KLHL1: variants seen among roughly 807,000 people sequenced by gnomAD.
The protein encoded by KLHL1 is kelch-like protein 1.
Under a neutral mutation model 77.7 loss-of-function variants are expected in KLHL1, and 47 were observed. That is an observed-to-expected ratio of 0.60 (90% CI 0.48 to 0.77). The LOEUF is 0.77. Among genes scored for constraint, KLHL1 ranks in the 30% least tolerant of loss-of-function variants. The pLI is 0.00. For synonymous variants in KLHL1, 360 were observed against 325.2 expected, an observed-to-expected ratio of 1.11 and a Z score of -1.15; for missense variants, 925 against 910.8, an observed-to-expected ratio of 1.02 and a Z score of -0.20.
chr13:69,705,704 TTACTG>T (rs1209010598), intron 10 of KLHL1, among the ~76,000 whole-genome samples: 2 of 151,754 alleles, frequency 1.3e-5, no homozygotes, highest in Non-Finnish European at 3.0e-5. Context: ...AATTTAATGT[TTACTG>T]TATTAAAATA....
chr13:69,922,992 A>C (rs1882692407), intron 4 of KLHL1, among the ~76,000 whole-genome samples: 1 of 152,232 alleles, frequency 6.6e-6, no homozygotes, highest in South Asian at 2.1e-4. Flanking sequence ...AATGAATTTC[A>C]ATATTACATA....
chr13:69,750,938 C>T (rs190757355), intron 7 of KLHL1, among the ~76,000 whole-genome samples: 1 of 151,992 alleles, frequency 6.6e-6, no homozygotes, highest in African/African-American at 2.4e-5. Flanking sequence ...GGGATGAGGT[C>T]CAGACACAGA....
intron 1 of KLHL1, among the ~76,000 whole-genome samples, chr13:70,050,795 ATT>A (rs1488030701): frequency 6.6e-6 from 1 of 151,926 alleles, no homozygotes; most frequent in Non-Finnish European, 1.5e-5. Flanking sequence ...TTGCAATATT[ATT>A]TGTCATATAA....
chr13:69,763,210 A>G (rs185012440), intron 7 of KLHL1, among the ~76,000 whole-genome samples: 1 of 152,330 alleles, frequency 6.6e-6, no homozygotes, highest in Non-Finnish European at 1.5e-5. Flanking sequence ...ATTGACCTAG[A>G]TTACTTACTG....
intron 1 of KLHL1, among the ~76,000 whole-genome samples, chr13:70,026,420 CAG>C (rs1414528092): frequency 6.6e-5 from 10 of 151,914 alleles, no homozygotes; most frequent in African/African-American, 2.4e-4. Context: ...CTCAGAAATA[CAG>C]TGTGATTTTA....
In KLHL1 at chr13:69,885,485, C is replaced by T. The variant is rs116828831; in HGVS notation, c.1015-2990G>A. Among the ~76,000 whole-genome samples the T allele has an allele frequency of 7.5e-3, 1,130 of 151,458 alleles. 11 individuals are homozygous for T. The highest frequency in any genetic ancestry group is 0.026 in the African/African-American group (1,052 of 41,228). ...AAGTTCTCCTTGCTGTTTTATTTTT[C>T]CATCAAGCCTCATTTTAATGATACT... is the stretch of plus-strand genomic sequence containing the variant. On this transcript the variant is annotated intron_variant, in intron 4 of 10. Coordinates refer to ENST00000377844, the MANE Select transcript of KLHL1 (RefSeq NM_020866.3).
intron 1 of KLHL1, among the ~76,000 whole-genome samples, chr13:70,027,882 C>T (rs1885996175): frequency 6.6e-6 from 1 of 151,976 alleles, no homozygotes; most frequent in Non-Finnish European, 1.5e-5. Flanking sequence ...TTTTTAGAGG[C>T]TGGAGTTATT....
chr13:69,899,576 A>G (rs1593930848), intron 4 of KLHL1, among the ~76,000 whole-genome samples: 2 of 152,326 alleles, frequency 1.3e-5, no homozygotes, highest in East Asian at 1.9e-4. Flanking sequence ...AAAGAAATCC[A>G]TCTTGTAGGC....
chr13:69,829,352 A>G (rs1451479598), intron 6 of KLHL1, among the ~76,000 whole-genome samples: 1 of 150,084 alleles, frequency 6.7e-6, no homozygotes, highest in Non-Finnish European at 1.5e-5. Context: ...CAATCACTGC[A>G]GTCCAGCTCT....
Position 69,740,499 on chromosome 13 carries a change from T to C in KLHL1, c.1697A>G (p.Tyr566Cys). ...ATCCCACCTTTCCACTGTATTCAGA[T>C]AGCTCCAGCCATCATGGCCTCCCAC... ...YAVGGHDGWS[Y>C]LNTVERWDPQ... Residue 566 changes from tyrosine (Y) to cysteine (C), a missense_variant, in exon 8 of 11, where the codon TAT (tyrosine) becomes TGT (cysteine). By Grantham distance (194) the Tyr-to-Cys change is radical (BLOSUM62 -2). Transcript: ENST00000377844. 1 of 1,613,060 alleles carries C rather than the reference T, an allele frequency of 6.2e-7. No individual in the cohort carries two copies. Among genetic ancestry groups the C allele is most frequent in the Non-Finnish European group, 8.5e-7 (1 of 1,179,218 alleles).
chr13:69,753,337 G>A (rs538551918), intron 7 of KLHL1, among the ~76,000 whole-genome samples: 26 of 152,154 alleles, frequency 1.7e-4, no homozygotes, highest in Non-Finnish European at 3.4e-4. Context: ...TGAGACTCAG[G>A]AATCGAGTCA....
intron 7 of KLHL1, among the ~76,000 whole-genome samples, chr13:69,746,818 G>T (rs1309099302): frequency 6.6e-6 from 1 of 151,902 alleles, no homozygotes; most frequent in Non-Finnish European, 1.5e-5. Context: ...AAGGAAAAAA[G>T]GTATTCTGAA....
chr13:69,881,959 C>T (rs555001402), intron 5 of KLHL1, among the ~76,000 whole-genome samples: 17 of 152,164 alleles, frequency 1.1e-4, no homozygotes, highest in Middle Eastern at 3.4e-3. Context: ...AGGCTTTTTA[C>T]ATATATATTA....
chr13:69,786,358 G>A (rs1019565178), intron 7 of KLHL1, among the ~76,000 whole-genome samples: 32 of 152,148 alleles, frequency 2.1e-4, no homozygotes, highest in African/African-American at 5.3e-4. Flanking sequence ...CAATATACGT[G>A]AATCAATAAA....
chr13:70,047,098 A>G (rs1886519042), intron 1 of KLHL1, among the ~76,000 whole-genome samples: 1 of 152,184 alleles, frequency 6.6e-6, no homozygotes, highest in Non-Finnish European at 1.5e-5. Flanking sequence ...CAGTGAACAC[A>G]ATAGCATTAA....
chr13:69,838,985 T>G lies in KLHL1; in HGVS notation c.1405A>C (p.Asn469His), dbSNP rs775501829. ...ATCCAGAATTAAATACCTTTGTTGT[T>G]ATCCATTCCTCCTACAGCATACAAA... ...GTLYAVGGMD[N>H]NKGATTIEKY... Residue 469 changes from asparagine to histidine, a missense_variant, in exon 6 of 11, where the codon AAC (asparagine) becomes CAC (histidine). Physicochemically the swap from Asn to His is moderately conservative, Grantham distance 68. Coordinates refer to ENST00000377844, the MANE Select transcript of KLHL1 (RefSeq NM_020866.3). 1.2e-6 allele frequency: 2 copies of G among 1,603,642 alleles called. No homozygotes were observed. Among genetic ancestry groups the G allele is most frequent in the Non-Finnish European group, 1.7e-6 (2 of 1,174,912 alleles).
chr13:69,941,164 C>A (rs1394777513), intron 3 of KLHL1, among the ~76,000 whole-genome samples: 17 of 151,956 alleles, frequency 1.1e-4, no homozygotes, highest in Non-Finnish European at 2.4e-4. Context: ...AATATATGTT[C>A]TTTTCATCAG....
intron 1 of KLHL1, among the ~76,000 whole-genome samples, chr13:70,095,099 C>T (rs958533898): frequency 6.6e-6 from 1 of 152,178 alleles, no homozygotes; most frequent in African/African-American, 2.4e-5. Flanking sequence ...ATTGAAAGCA[C>T]AATTTCTGCT....
intron 1 of KLHL1, among the ~76,000 whole-genome samples, chr13:70,062,957 TAAGAA>T (rs1311692641): frequency 1.3e-5 from 2 of 152,194 alleles, no homozygotes; most frequent in Non-Finnish European, 2.9e-5. Context: ...TTACCTTAAT[TAAGAA>T]TTTTATTTTC....
Sources: gnomAD v4.1 joint callset for allele counts (sites outside exome capture counted in the v4.1 genomes callset) on GRCh38, gnomAD v4.1.1 for gene constraint, MANE v1.5 for transcripts, NCBI Gene and HGNC (gene_info 2026-07-23, HGNC 2026-07-21) for gene names.